The following PLVAP variants were observed in gnomAD, a reference collection of about 807,000 sequenced individuals.
The protein encoded by PLVAP is plasmalemma vesicle associated protein, also known as plasmalemma vesicle-associated protein.
In PLVAP, 34 loss-of-function variants were observed where a neutral mutation model predicts 43.1. The ratio of observed to expected loss-of-function variants is 0.79; its 90% CI spans 0.60 to 1.05. The LOEUF (loss-of-function observed/expected upper bound fraction) is 1.05, where lower values mean the gene tolerates loss of function less well. Among genes scored for constraint, PLVAP ranks in the 50% least tolerant of loss-of-function variants. The probability of loss-of-function intolerance (pLI) is 0.00; values close to 1 mark genes in which losing one functional copy is unlikely to be tolerated. For synonymous variants in PLVAP, 241 were observed against 237.3 expected (o/e 1.02, Z -0.14); for missense variants, 574 against 593.4 (o/e 0.97, Z 0.34).
In PLVAP at chr19:17,365,649, G is replaced by A. The variant is rs144011339; in HGVS notation, c.816C>T (p.Cys272=). ...GSELASIRRA[C]DHMPSLMSSK... ...AGCTCATGAGGCTGGGCATGTGGTCGCAGGCTCTGCGGATGGAGGCCAATT... is the reference window on the plus strand; with the variant it reads ...AGCTCATGAGGCTGGGCATGTGGTCACAGGCTCTGCGGATGGAGGCCAATT... The change falls in exon 3 of 6, where the codon TGC becomes TGT. Residue 272 remains cysteine, a synonymous_variant. Coordinates refer to ENST00000252590, the MANE Select transcript of PLVAP (RefSeq NM_031310.3). The A allele has an allele frequency of 2.3e-4, 368 of 1,613,518 alleles. No homozygotes were observed. The highest frequency in any genetic ancestry group is 2.8e-4 in the Non-Finnish European group (336 of 1,180,020).
chr19:17,377,294 C>G lies in PLVAP; in HGVS notation c.-6G>C, dbSNP rs778839355. 2 of 1,602,278 alleles carry G rather than the reference C, an allele frequency of 1.2e-6. No individual in the cohort carries two copies. Among genetic ancestry groups the G allele is most frequent in the Non-Finnish European group, 1.7e-6 (2 of 1,173,236 alleles). On this transcript the variant is annotated 5_prime_UTR_variant, in exon 1 of 6. Transcript: ENST00000252590. ...TGCTCCATGGCCAGACCCATTTGCT[C>G]GATCCCGCCGTCCGGTGCACCGTCC...
At chr19:17,371,109 G>A (rs1229334365) in intron 1 of PLVAP, among the ~76,000 whole-genome samples, 1 of 151,686 alleles carries the variant, frequency 6.6e-6, no homozygotes, top group African/African-American at 2.4e-5. Flanking sequence ...TAAATAGGTG[G>A]ATTGTAAAAT....
chr19:17,358,158 G>A (rs989607090), intron 5 of PLVAP, among the ~76,000 whole-genome samples: 2 of 152,186 alleles, frequency 1.3e-5, no homozygotes, highest in Admixed American at 6.5e-5. Flanking sequence ...CTCCCTGTGG[G>A]CTGCTCAGGG....
Position 17,365,709 on chromosome 19 carries a change from G to A in PLVAP, c.756C>T (p.Asn252=), listed in dbSNP as rs146410938. ...RDSIIPRSLD[N]LGYNLYHPLG... ...GGGGATGGTAGAGGTTGTAACCCAGGTTGTCCAGGCTGCGTGGGATAATGG... is the reference window on the plus strand; with the variant it reads ...GGGGATGGTAGAGGTTGTAACCCAGATTGTCCAGGCTGCGTGGGATAATGG... Residue 252 remains asparagine (N), a synonymous_variant, in exon 3 of 6, where the codon AAC becomes AAT. Coordinates refer to ENST00000252590, the MANE Select transcript of PLVAP (RefSeq NM_031310.3). 126 of 1,613,978 alleles carry A rather than the reference G, an allele frequency of 7.8e-5. 1 individual carries two copies. In the African/African-American group the frequency reaches 1.6e-3, roughly 20 times the overall value.
chr19:17,352,454 G>A (rs1169149891), intron 5 of PLVAP, 86 bp from the exon 6 acceptor site: 1 of 1,473,100 alleles, frequency 6.8e-7, no homozygotes, highest in African/African-American at 1.4e-5. Flanking sequence ...CTCGTCCTCA[G>A]CGGGGACACA....
chr19:17,362,612 C>G (rs62128113), intron 3 of PLVAP: 31,721 of 152,150 alleles, frequency 0.21, 3,886 homozygotes, highest in East Asian at 0.35. Context: ...GACCAGCCAC[C>G]TCCAGCTACC....
intron 1 of PLVAP, among the ~76,000 whole-genome samples, chr19:17,370,156 G>C (rs570398399): frequency 2.0e-5 from 3 of 152,138 alleles, no homozygotes; most frequent in Non-Finnish European, 4.4e-5. Flanking sequence ...AACAGGTGTT[G>C]ATGAGGATGT....
chr19:17,375,115 C>G (rs932392135), intron 1 of PLVAP, among the ~76,000 whole-genome samples: 1 of 152,018 alleles, frequency 6.6e-6, no homozygotes, highest in Admixed American at 6.6e-5. Flanking sequence ...AGCCAGTATG[C>G]CTGGCCTAAT....
At chr19:17,365,244 C>T in intron 3 of PLVAP, 42 bp downstream of exon 3, 9 of 1,554,278 alleles carry the variant, frequency 5.8e-6, no homozygotes, top group Non-Finnish European at 7.0e-6. Context: ...GGCATCTGGA[C>T]CTAACTCCAC....
At chr19:17,363,821 C>T (rs991213998) in intron 3 of PLVAP, among the ~76,000 whole-genome samples, 1 of 148,254 alleles carries the variant, frequency 6.7e-6, no homozygotes, top group African/African-American at 2.5e-5. Flanking sequence ...TGGTTCACTG[C>T]AAGCTCTGCC....
At chr19:17,364,286 G>A (rs891512000) in intron 3 of PLVAP, among the ~76,000 whole-genome samples, 10 of 151,814 alleles carry the variant, frequency 6.6e-5, no homozygotes, top group Admixed American at 2.6e-4. Context: ...AGGTTTCACC[G>A]TGTTGCCCAG....
At chr19:17,354,322 C>T (rs1027052422) in intron 5 of PLVAP, among the ~76,000 whole-genome samples, 1 of 151,944 alleles carries the variant, frequency 6.6e-6, no homozygotes, top group African/African-American at 2.4e-5. Flanking sequence ...TAATGCCAGG[C>T]GCAGTGGCTC....
At chr19:17,369,441 C>T (rs1342455830) in intron 1 of PLVAP, among the ~76,000 whole-genome samples, 2 of 148,138 alleles carry the variant, frequency 1.4e-5, no homozygotes, top group East Asian at 4.0e-4. Context: ...CCACCACCAG[C>T]CTGGCCAACA....
At chr19:17,372,101 A>T (rs887481238) in intron 1 of PLVAP, among the ~76,000 whole-genome samples, 6 of 151,164 alleles carry the variant, frequency 4.0e-5, no homozygotes, top group African/African-American at 1.5e-4. Flanking sequence ...AAAAAAAAAA[A>T]AGGATGTGAT....
At chr19:17,376,690 C>T (rs796568951) in intron 1 of PLVAP, among the ~76,000 whole-genome samples, 2 of 152,202 alleles carry the variant, frequency 1.3e-5, no homozygotes, top group African/African-American at 4.8e-5. Context: ...CCCAGCTACT[C>T]GGGAGGCTGA....
chr19:17,376,691 G>C (rs1018457415), intron 1 of PLVAP, among the ~76,000 whole-genome samples: 1 of 151,758 alleles, frequency 6.6e-6, no homozygotes, highest in Non-Finnish European at 1.5e-5. Flanking sequence ...CCAGCTACTC[G>C]GGAGGCTGAG....
At chr19:17,373,862 G>A (rs1488861706) in intron 1 of PLVAP, among the ~76,000 whole-genome samples, 1 of 152,012 alleles carries the variant, frequency 6.6e-6, no homozygotes, top group South Asian at 2.1e-4. Context: ...TGCCTGCAAA[G>A]GGTTTAAAAC....
chr19:17,354,463 G>A (rs1322614485), intron 5 of PLVAP, among the ~76,000 whole-genome samples: 1 of 151,584 alleles, frequency 6.6e-6, no homozygotes, highest in Non-Finnish European at 1.5e-5. Context: ...CGGGTGTGGT[G>A]GTGCATGCCT....
chr19:17,365,192 T>A, intron 3 of PLVAP, 94 bp downstream of exon 3: 1 of 1,191,188 alleles, frequency 8.4e-7, no homozygotes, highest in South Asian at 1.5e-5. Context: ...CAGGAAGCCA[T>A]CCTCAAAGCC....
Sources: allele counts gnomAD v4.1 joint callset (sites outside exome capture counted in the v4.1 genomes callset), GRCh38; gene constraint gnomAD v4.1.1; transcripts MANE v1.5; gene names NCBI Gene and HGNC (gene_info 2026-07-23, HGNC 2026-07-21).